The following HDAC1 variants were observed in gnomAD, a reference collection of about 807,000 sequenced individuals.
HDAC1 encodes histone deacetylase 1, also known as protein deacetylase HDAC1.
In HDAC1, 18 loss-of-function variants were observed where a neutral mutation model predicts 65.5. That is an observed-to-expected ratio of 0.27 (90% CI 0.19 to 0.41). The LOEUF (loss-of-function observed/expected upper bound fraction) is 0.41. HDAC1 is among the 10% of genes least tolerant of loss of function. HDAC1 has a pLI of 1.00. For synonymous variants in HDAC1, 211 were observed against 227.9 expected (o/e 0.93, Z 0.67); for missense variants, 373 against 625.2 (o/e 0.60, Z 4.30).
At chr1:32,316,173 A>G (rs1641060696) in intron 2 of HDAC1, among the ~76,000 whole-genome samples, 1 of 151,812 alleles carries the variant, frequency 6.6e-6, no homozygotes, top group South Asian at 2.1e-4. Context: ...AGTCCCAGCT[A>G]CTTGGAAGGC....
Position 32,330,921 on chromosome 1 carries a change from G to A in HDAC1, c.979+13G>A. 1.9e-6 allele frequency: 3 copies of A among 1,614,020 alleles called. No individual in the cohort carries two copies. The highest frequency in any genetic ancestry group is 2.5e-6 in the Non-Finnish European group (3 of 1,179,908). On this transcript the variant is annotated intron_variant, in intron 9 of 13. Coordinates refer to ENST00000373548, the MANE Select transcript of HDAC1 (RefSeq NM_004964.3). This position sits in a 1 kb window ranked among gnomAD's most constrained non-coding sequence, Gnocchi z 4.2. ...GAGATCCCTAATGGTAATAGCTGCAGGGCCAGGTTCGGCTGGGCTGGGTGG... is the reference window on the plus strand; with the variant it reads ...GAGATCCCTAATGGTAATAGCTGCAAGGCCAGGTTCGGCTGGGCTGGGTGG...
intron 3 of HDAC1, among the ~76,000 whole-genome samples, chr1:32,323,557 C>A (rs931823679): frequency 6.6e-6 from 1 of 151,972 alleles, no homozygotes; most frequent in African/African-American, 2.4e-5. Flanking sequence ...GCCACCACAC[C>A]TGGCTAATTT....
chr1:32,294,389 A>G (rs1640739097), intron 1 of HDAC1, among the ~76,000 whole-genome samples: 2 of 151,920 alleles, frequency 1.3e-5, no homozygotes, highest in East Asian at 3.9e-4. Context: ...CCAGTGCTCC[A>G]TCTGCCTCAG....
chr1:32,309,949 G>A (rs932727087), intron 2 of HDAC1, among the ~76,000 whole-genome samples: 5 of 151,830 alleles, frequency 3.3e-5, no homozygotes, highest in African/African-American at 1.2e-4. Flanking sequence ...GAGAGAGATG[G>A]CCCTTGGGGA....
intron 1 of HDAC1, among the ~76,000 whole-genome samples, chr1:32,299,721 G>A (rs574089041): frequency 5.9e-5 from 9 of 152,112 alleles, no homozygotes; most frequent in Non-Finnish European, 1.0e-4. Flanking sequence ...TAGACTTATA[G>A]AGCCCTCTAG....
rs750012758 is a variant in HDAC1, at chr1:32,330,597, A to T, written c.749A>T (p.Glu250Val). The T allele has an allele frequency of 1.2e-6, 2 of 1,612,758 alleles. No homozygotes were observed. The highest frequency in any genetic ancestry group is 1.1e-5 in the South Asian group (1 of 91,050). The stretch of plus-strand genomic sequence containing the variant: ...TTTTAGGTCATGTCCAAAGTAATGG[A>T]GATGTTCCAGCCTAGTGCGGTGGTC... ...IFKPVMSKVM[E>V]MFQPSAVVLQ... Residue 250 changes from glutamate to valine, a missense_variant, in exon 8 of 14, where the codon GAG (glutamate) becomes GTG (valine). By Grantham distance (121) the Glu-to-Val change is moderately radical (BLOSUM62 -2). Transcript: ENST00000373548. The surrounding 1 kb of genome is among the most constrained non-coding windows in gnomAD (Gnocchi z 4.2).
At position 32,331,427 on chromosome 1, in the gene HDAC1, G is replaced by A. The variant is rs1641289943; in HGVS notation, c.980-47G>A. ...GGGTGCTTACGTGCAAATGGTTAGG[G>A]TGCGGTGGCCAGGTCTCTTGACGGT... On this transcript the variant is annotated intron_variant, in intron 9 of 13. Transcript: ENST00000373548. This position sits in a 1 kb window ranked among gnomAD's most constrained non-coding sequence, Gnocchi z 4.2. The A allele has an allele frequency of 3.7e-6, 4 of 1,067,998 alleles. No homozygotes were observed. Among genetic ancestry groups the A allele is most frequent in the South Asian group, 2.5e-5 (2 of 79,880 alleles). The allele number at this position is 1,067,998 out of a possible 1,614,324, so 66.2% of individuals were successfully genotyped here. A position where few individuals can be genotyped will look rare whatever the true frequency, so the allele number is the denominator to read the frequency against.
chr1:32,299,995 T>C (rs1278476988), intron 1 of HDAC1, among the ~76,000 whole-genome samples: 2 of 151,844 alleles, frequency 1.3e-5, no homozygotes, highest in Non-Finnish European at 2.9e-5. Context: ...GAGGCGGAGC[T>C]TGCAGTGAGC....
intron 3 of HDAC1, among the ~76,000 whole-genome samples, chr1:32,322,680 T>G (rs1641163603): frequency 6.6e-6 from 1 of 152,226 alleles, no homozygotes; most frequent in South Asian, 2.1e-4. Context: ...ATTTGCCTTA[T>G]TGTTTGCATA....
Position 32,331,970 on chromosome 1 carries a change from T to C in HDAC1, c.1220-120T>C. On this transcript the variant is annotated intron_variant, in intron 11 of 13. Transcript: ENST00000373548. This position sits in a 1 kb window ranked among gnomAD's most constrained non-coding sequence, Gnocchi z 4.2. ...AGGTTAGGGAGCCCGAGTTCCTCCC[T>C]CTTCTGGTTCCCTTTCCCTTGGTGT... 1 of 1,394,370 alleles carries C rather than the reference T, an allele frequency of 7.2e-7. No individual in the cohort carries two copies. Among genetic ancestry groups the C allele is most frequent in the African/African-American group, 1.5e-5 (1 of 68,740 alleles). 86.4% of individuals were successfully genotyped at this position (1,394,370 alleles called of 1,614,324 possible).
rs1641275995 is a variant in HDAC1 at position 32,330,448 on chromosome 1, TTC to T, written c.730-125_730-124del. On this transcript the variant is annotated intron_variant, in intron 7 of 13. Coordinates refer to ENST00000373548, the MANE Select transcript of HDAC1 (RefSeq NM_004964.3). The surrounding 1 kb of genome is among the most constrained non-coding windows in gnomAD (Gnocchi z 4.2). ...AAGGGCTCCAGCCTAGCACTCCCTT[TTC>T]TCTCCCACATAGCATGAGGGAGAGT... The T allele has an allele frequency of 2.8e-6, 2 of 716,668 alleles. No homozygotes were observed. The highest frequency in any genetic ancestry group is 2.5e-5 in the East Asian group (1 of 40,458). 44.4% of individuals were successfully genotyped at this position (716,668 alleles called of 1,614,324 possible). A position where few individuals can be genotyped will look rare whatever the true frequency, so the allele number is the denominator to read the frequency against.
intron 1 of HDAC1, among the ~76,000 whole-genome samples, chr1:32,296,780 A>G (rs1236432197): frequency 2.6e-5 from 4 of 152,212 alleles, no homozygotes; most frequent in African/African-American, 9.6e-5. Flanking sequence ...TATTGAAATA[A>G]TTCTTATGGA....
intron 3 of HDAC1, among the ~76,000 whole-genome samples, chr1:32,319,664 G>A (rs539239154): frequency 6.6e-6 from 1 of 152,110 alleles, no homozygotes; most frequent in Non-Finnish European, 1.5e-5. Context: ...TGAAGGGCAA[G>A]GCAGGAGGGA....
At chr1:32,293,202 C>A (rs1325150427) in intron 1 of HDAC1, among the ~76,000 whole-genome samples, 1 of 151,536 alleles carries the variant, frequency 6.6e-6, no homozygotes, top group Non-Finnish European at 1.5e-5. Flanking sequence ...CGCCTGTAAT[C>A]CCAGCTACTC....
chr1:32,292,656 C>G (rs1484305318), intron 1 of HDAC1, among the ~76,000 whole-genome samples: 1 of 152,080 alleles, frequency 6.6e-6, no homozygotes, highest in Non-Finnish European at 1.5e-5. Flanking sequence ...CTCCCCTCCC[C>G]CAGCCTCTGA....
rs1424336304 is a variant in HDAC1, at chr1:32,331,600, C to T, written c.1088+18C>T. On this transcript the variant is annotated intron_variant, in intron 10 of 13. Coordinates refer to ENST00000373548, the MANE Select transcript of HDAC1 (RefSeq NM_004964.3). This position sits in a 1 kb window ranked among gnomAD's most constrained non-coding sequence, Gnocchi z 4.2. ...AAGATCAAGTGAGTATATCCTCCAG[C>T]CACCCCTTGGTTGAACATTCCTGAC... 6.2e-7 allele frequency: 1 copy of T among 1,608,480 alleles called. No homozygotes were observed. Among genetic ancestry groups the T allele is most frequent in the Admixed American group, 1.7e-5 (1 of 60,008 alleles).
In HDAC1 at chr1:32,329,875, G is replaced by A. The variant is rs1176433373; in HGVS notation, c.730-703G>A. ...CAGTAAGGGTGGCATTTAGTAGAAG[G>A]AATGGCACTAGCAGAAGTGCAGAGG... On this transcript the variant is annotated intron_variant, in intron 7 of 13. Coordinates refer to ENST00000373548, the MANE Select transcript of HDAC1 (RefSeq NM_004964.3). This position sits in a 1 kb window ranked among gnomAD's most constrained non-coding sequence, Gnocchi z 4.1. 6 of 156,738 alleles carry A rather than the reference G, an allele frequency of 3.8e-5. No homozygotes were observed. The highest frequency in any genetic ancestry group is 8.5e-5 in the Non-Finnish European group (6 of 70,626). The allele number at this position is 156,738 out of a possible 1,614,324, so 9.7% of individuals were successfully genotyped here.
chr1:32,327,198 C>T lies in HDAC1; in HGVS notation c.494+121C>T, dbSNP rs1641230454. On this transcript the variant is annotated intron_variant, in intron 5 of 13. Coordinates refer to ENST00000373548, the MANE Select transcript of HDAC1 (RefSeq NM_004964.3). This position sits in a 1 kb window ranked among gnomAD's most constrained non-coding sequence, Gnocchi z 6.0. ...ACCGATGTGCTGGCTAGGATGTGCT[C>T]GGTGAGTGTCTCTGGCCATCATCTC... 1.4e-5 allele frequency: 13 copies of T among 950,092 alleles called. No homozygotes were observed. The highest frequency in any genetic ancestry group is 1.0e-4 in the East Asian group (4 of 40,158). The allele number at this position is 950,092 out of a possible 1,614,324, so 58.9% of individuals were successfully genotyped here.
intron 2 of HDAC1, among the ~76,000 whole-genome samples, chr1:32,303,149 G>T (rs975230339): frequency 6.6e-6 from 1 of 152,118 alleles, no homozygotes; most frequent in Non-Finnish European, 1.5e-5. Flanking sequence ...TTCCAGCTTG[G>T]GGGGCAGAGC....
Sources: gnomAD v4.1 joint callset for allele counts (sites outside exome capture counted in the v4.1 genomes callset) on GRCh38, gnomAD v4.1.1 for gene constraint, Gnocchi (gnomAD v3.1) non-coding constraint, MANE v1.5 for transcripts, NCBI Gene and HGNC (gene_info 2026-07-23, HGNC 2026-07-21) for gene names.